Variants in C4orf50 observed in about 807,000 individuals in gnomAD.
The protein encoded by C4orf50 is chromosome 4 open reading frame 50, also known as uncharacterized protein C4orf50.
Under a neutral mutation model 77.2 loss-of-function variants are expected in C4orf50, and 80 were observed. The observed-to-expected ratio is 1.04, with a 90% CI of 0.87 to 1.25. C4orf50 has a LOEUF of 1.25. C4orf50 is among the 50% of genes most tolerant of loss of function. C4orf50 has a pLI of 0.00. For synonymous variants in C4orf50, 532 were observed against 465.3 expected, an observed-to-expected ratio of 1.14 and a Z score of -1.84; for missense variants, 1,257 against 1,152.9, an observed-to-expected ratio of 1.09 and a Z score of -1.31.
At chr4:5,973,435 T>G (rs1720047180) in intron 31 of C4orf50, among the ~76,000 whole-genome samples, 1 of 152,204 alleles carries the variant, frequency 6.6e-6, no homozygotes, top group African/African-American at 2.4e-5. Context: ...CTTGCACCAT[T>G]TCCTGAGCAC....
intron 7 of C4orf50, among the ~76,000 whole-genome samples, chr4:5,937,413 A>T (rs67434422): frequency 0.17 from 25,892 of 152,126 alleles, 2,382 homozygotes; most frequent in African/African-American, 0.22. Context: ...TATAATGTAC[A>T]CCTAGGGTGA....
chr4:5,990,551 T>C, exon 28 of C4orf50: 1 of 399,112 alleles, frequency 2.5e-6, no homozygotes, highest in African/African-American at 2.1e-5. Context: ...GGCGGGGACC[T>C]GGTGGCCAAC....
rs1226346465 is a variant in C4orf50, at chr4:6,011,510, A to G, written c.426+320T>C. Among the ~76,000 whole-genome samples the G allele has an allele frequency of 2.0e-5, 3 of 151,840 alleles. No homozygotes were observed. Among genetic ancestry groups the G allele is most frequent in the Non-Finnish European group, 4.4e-5 (3 of 67,928 alleles). On this transcript the variant is annotated intron_variant, in intron 24 of 33. Coordinates refer to ENST00000531445, the Ensembl canonical transcript of C4orf50. The surrounding 1 kb of genome is among the most constrained non-coding windows in gnomAD (Gnocchi z 4.2). The stretch of plus-strand genomic sequence containing the variant: ...CCGGGTTTAGAGTTATTTGTTTCTT[A>G]TCAGTCTCCCCCATCTGCATAAGAG...
chr4:5,984,551 A>C (rs1720761474), intron 28 of C4orf50, among the ~76,000 whole-genome samples: 1 of 152,260 alleles, frequency 6.6e-6, no homozygotes, highest in Non-Finnish European at 1.5e-5. Flanking sequence ...TTGATATTCT[A>C]GAACTGCAAA....
At chr4:6,001,147 T>A (rs954530223) in intron 25 of C4orf50, among the ~76,000 whole-genome samples, 2 of 152,166 alleles carry the variant, frequency 1.3e-5, no homozygotes, top group Non-Finnish European at 2.9e-5. Flanking sequence ...GATTACCCAA[T>A]GACATTTTTT....
chr4:5,922,741 CATCAAATGGGCAG>C (rs1455389259), intron 7 of C4orf50, among the ~76,000 whole-genome samples: 2 of 152,182 alleles, frequency 1.3e-5, no homozygotes, highest in African/African-American at 4.8e-5. Context: ...GTGGCATGCT[CATCAAATGGGCAG>C]ATGGATGCCA....
chr4:5,967,604 T>C, intron 31 of C4orf50, 142 bp from the exon 10 acceptor site: 1 of 701,154 alleles, frequency 1.4e-6, no homozygotes, highest in South Asian at 1.6e-5. Context: ...CCTGCCTGTG[T>C]GCATGAAGAC....
intron 25 of C4orf50, among the ~76,000 whole-genome samples, chr4:6,003,038 C>T (rs1036233373): frequency 3.9e-5 from 6 of 152,194 alleles, no homozygotes; most frequent in Non-Finnish European, 8.8e-5. Context: ...CAGGGGGCTT[C>T]ACCCACCTGC....
intron 7 of C4orf50, among the ~76,000 whole-genome samples, chr4:5,926,561 C>G (rs1349965469): frequency 6.6e-6 from 1 of 152,094 alleles, no homozygotes; most frequent in Non-Finnish European, 1.5e-5. Flanking sequence ...CTAAAAGCCA[C>G]AAATTGTGCA....
At position 5,980,440 on chromosome 4, in the gene C4orf50, T is replaced by TG. The variant is rs200996167; in HGVS notation, c.3700-103_3700-102insC. 1.6e-3 allele frequency: 1,718 copies of TG among 1,095,812 alleles called. 6 individuals carry two copies. The highest frequency in any genetic ancestry group is 0.013 in the African/African-American group (802 of 61,038). The allele number at this position is 1,095,812 out of a possible 1,614,324, so 67.9% of individuals were successfully genotyped here. A position where few individuals can be genotyped will look rare whatever the true frequency, so the allele number is the denominator to read the frequency against. On this transcript the variant is annotated intron_variant, in intron 28 of 33. Coordinates refer to ENST00000531445, the Ensembl canonical transcript of C4orf50. ...GTTTCCCCACTCCGTAGTTTTTTTT[T>TG]TTGTTGTTGTTGTTTTCCTGCTTAT...
chr4:5,903,529 A>G (rs1716423992), intron 7 of C4orf50: 1 of 152,226 alleles, frequency 6.6e-6, no homozygotes. Context: ...GCTAAGTGAT[A>G]TAAACTAGTC....
At chr4:5,938,684 G>T (rs1718135007) in intron 7 of C4orf50, among the ~76,000 whole-genome samples, 1 of 151,944 alleles carries the variant, frequency 6.6e-6, no homozygotes, top group African/African-American at 2.4e-5. Context: ...ATTTGAACCT[G>T]TCCTCAGTTT....
In C4orf50 at chr4:5,916,416, C is replaced by T. The variant is rs1717030616; in HGVS notation, c.*2475-18228G>A. 6.6e-6 allele frequency among the ~76,000 whole-genome samples: 1 copy of T among 152,122 alleles called. No individual in the cohort carries two copies. The highest frequency in any genetic ancestry group is 2.4e-5 in the African/African-American group (1 of 41,386). On this transcript the variant is annotated intron_variant, in intron 7 of 7. Coordinates refer to the C4orf50 transcript ENST00000324058. This position sits in a 1 kb window ranked among gnomAD's most constrained non-coding sequence, Gnocchi z 4.4. ...CACAGAGAAGGCTGGGAGCCAGGAC[C>T]TGCCCCCAGAGCTCAGACCCCAGGC... is the stretch of plus-strand genomic sequence containing the variant.
intron 7 of C4orf50, among the ~76,000 whole-genome samples, chr4:5,951,802 A>G (rs1315706416): frequency 6.6e-6 from 1 of 152,020 alleles, no homozygotes; most frequent in Admixed American, 6.6e-5. Flanking sequence ...CCTTCTTGCT[A>G]ATCCAGACCT....
chr4:5,998,188 T>C (rs1721678670), intron 25 of C4orf50, among the ~76,000 whole-genome samples: 1 of 152,218 alleles, frequency 6.6e-6, no homozygotes, highest in Non-Finnish European at 1.5e-5. Flanking sequence ...CAGGCCCTTT[T>C]AACCTTTGAC....
Position 5,919,695 on chromosome 4 carries a change from A to T in C4orf50, c.*2475-21507T>A, listed in dbSNP as rs1464974353. Among the ~76,000 whole-genome samples, 1 of 152,134 alleles carries T rather than the reference A, an allele frequency of 6.6e-6. No homozygotes were observed. Among genetic ancestry groups the T allele is most frequent in the Non-Finnish European group, 1.5e-5 (1 of 68,018 alleles). On this transcript the variant is annotated intron_variant, in intron 7 of 7. Coordinates refer to the C4orf50 transcript ENST00000324058. The surrounding 1 kb of genome is among the most constrained non-coding windows in gnomAD (Gnocchi z 6.5). ...GGCCTTTGCGAGGCTGGCTGCTGCA[A>T]ATAAGAATTGGTGCCTACTGGGCCC...
At chr4:5,989,679 T>G in exon 28 of C4orf50, 1 of 1,536,156 alleles carries the variant, frequency 6.5e-7, no homozygotes, top group South Asian at 1.2e-5. Flanking sequence ...TCACAGCCTG[T>G]GGATGACCAT....
At chr4:5,994,527 TG>T (rs1721472767) in intron 25 of C4orf50, 51 bp from the exon 4 acceptor site, 2 of 399,144 alleles carry the variant, frequency 5.0e-6, no homozygotes, top group Non-Finnish European at 8.8e-6. Flanking sequence ...GGCTGAAGTG[TG>T]TACTCCAAGC....
intron 31 of C4orf50, among the ~76,000 whole-genome samples, chr4:5,973,149 G>C (rs1473521478): frequency 1.3e-5 from 2 of 152,206 alleles, no homozygotes; most frequent in Non-Finnish European, 2.9e-5. Context: ...CAACAGCCAG[G>C]AGAGCTCCCT....
Sources: gnomAD v4.1 joint callset for allele counts (sites outside exome capture counted in the v4.1 genomes callset) on GRCh38, gnomAD v4.1.1 for gene constraint, Gnocchi (gnomAD v3.1) non-coding constraint, MANE v1.5 for transcripts, NCBI Gene and HGNC (gene_info 2026-07-23, HGNC 2026-07-21) for gene names.